ZNF514: variants seen among roughly 807,000 people sequenced by gnomAD.
ZNF514 encodes the protein zinc finger protein 514.
A neutral mutation model predicts 9.7 loss-of-function variants in ZNF514; 12 were observed. The ratio of observed to expected loss-of-function variants is 1.24; its 90% CI spans 0.79 to 2.01. The LOEUF (loss-of-function observed/expected upper bound fraction) is 2.01. ZNF514 is among the 30% of genes most tolerant of loss of function. ZNF514 has a pLI of 0.00. For missense variants in ZNF514, 467 were observed against 465.5 expected, an observed-to-expected ratio of 1.00 and a Z score of -0.03; for synonymous variants, 158 against 163.7, an observed-to-expected ratio of 0.97 and a Z score of 0.27.
chr2:95,141,368 A>G (rs1673214203), downstream of ZNF514, among the ~76,000 whole-genome samples: 3 of 152,110 alleles, frequency 2.0e-5, no homozygotes, highest in African/African-American at 7.2e-5. Flanking sequence ...AAACCCTTGC[A>G]CTCTCTAGGC....
intron 2 of ZNF514, chr2:95,153,970 A>T (rs986978181): frequency 6.6e-6 from 1 of 152,272 alleles, no homozygotes; most frequent in African/African-American, 2.4e-5. Context: ...GATTCCACAG[A>T]AAAGCTGAAG....
At chr2:95,128,065 CAGTG>C in the ZNF514 span, among the ~76,000 whole-genome samples, 1 of 152,204 alleles carries the variant, frequency 6.6e-6, no homozygotes, top group South Asian at 2.1e-4. Context: ...CTGGACAACA[CAGTG>C]AGACCCCACC....
At position 95,148,317 on chromosome 2, in the gene ZNF514, C is replaced by T. The variant is rs1673421485; in HGVS notation, c.*965G>A. On this transcript the variant is annotated 3_prime_UTR_variant, in exon 5 of 5. Transcript: ENST00000295208. ...ACCCATGCATGACACCCTGCCCCGT[C>T]AGTAACAGCATGAGGAGGCAATGCA... 6.6e-6 allele frequency: 1 copy of T among 152,262 alleles called. No individual in the cohort carries two copies. The highest frequency in any genetic ancestry group is 6.5e-5 in the Admixed American group (1 of 15,284). 9.4% of individuals were successfully genotyped at this position (152,262 alleles called of 1,614,324 possible).
At position 95,153,163 on chromosome 2, in the gene ZNF514, G is replaced by A. The variant is rs536299292; in HGVS notation, c.91C>T (p.Leu31=). The change falls in exon 3 of 5, where the codon CTG becomes TTG. Residue 31 remains leucine (L), a synonymous_variant. Transcript: ENST00000295208. ...AQKDLYREVM[L]ENFRNLAILG... ...ATGGCCAAGTTCCTGAAGTTCTCCAGCATCACCTCCCTGTAGAGGTCCTTC... is the reference window on the plus strand; with the variant it reads ...ATGGCCAAGTTCCTGAAGTTCTCCAACATCACCTCCCTGTAGAGGTCCTTC... 3.1e-6 allele frequency: 5 copies of A among 1,613,518 alleles called. No homozygotes were observed. Among genetic ancestry groups the A allele is most frequent in the Admixed American group, 3.3e-5 (2 of 60,004 alleles).
the ZNF514 span, among the ~76,000 whole-genome samples, chr2:95,126,398 A>AAGAG: frequency 4.7e-5 from 7 of 149,716 alleles, no homozygotes; most frequent in African/African-American, 1.5e-4. Flanking sequence ...AAAAAAAAGA[A>AAGAG]AGAAAGAAAG....
the ZNF514 span, among the ~76,000 whole-genome samples, chr2:95,136,495 C>G: frequency 6.6e-6 from 1 of 152,080 alleles, no homozygotes; most frequent in African/African-American, 2.4e-5. Context: ...GATCCACCCG[C>G]CTCTGCCTCC....
rs770256332 is a variant in ZNF514 at position 95,150,380 on chromosome 2, C to A, written c.218-113G>T. ...GAAATAATTAAGCTTTAAAATAACA[C>A]CTAAAAGGGACGTACAGATTTTTTC... is the stretch of plus-strand genomic sequence containing the variant. On this transcript the variant is annotated intron_variant, in intron 4 of 4. Transcript: ENST00000295208. 12 of 1,216,678 alleles carry A rather than the reference C, an allele frequency of 9.9e-6. No homozygotes were observed. In the South Asian group the frequency reaches 2.0e-4, roughly 21 times the overall value. The allele number at this position is 1,216,678 out of a possible 1,614,324, so 75.4% of individuals were successfully genotyped here.
intron 1 of ZNF514, 26 bp from the exon 2 acceptor site, chr2:95,157,465 G>A (rs1558704016): frequency 7.9e-7 from 1 of 1,268,352 alleles, no homozygotes; most frequent in East Asian, 5.6e-5. Context: ...GAGACATAAG[G>A]GAAGCTGACC....
At chr2:95,128,155 G>A in the ZNF514 span, among the ~76,000 whole-genome samples, 1 of 152,202 alleles carries the variant, frequency 6.6e-6, no homozygotes, top group Admixed American at 6.5e-5. Context: ...CACTTGGGGA[G>A]GCCGAGATGG....
the ZNF514 span, among the ~76,000 whole-genome samples, chr2:95,129,088 C>T: frequency 6.6e-6 from 1 of 152,178 alleles, no homozygotes; most frequent in Non-Finnish European, 1.5e-5. Context: ...CTGTTGGTGA[C>T]ATTTTTAGCC....
At chr2:95,125,115 G>A in the ZNF514 span, among the ~76,000 whole-genome samples, 2 of 151,660 alleles carry the variant, frequency 1.3e-5, no homozygotes, top group East Asian at 3.9e-4. Context: ...CTGACCTCAA[G>A]CGATCCGCCC....
At chr2:95,125,857 C>T in the ZNF514 span, among the ~76,000 whole-genome samples, 1 of 152,214 alleles carries the variant, frequency 6.6e-6, no homozygotes, top group Non-Finnish European at 1.5e-5. Context: ...ATCCATTCAT[C>T]TGTCAATGGA....
Position 95,158,918 on chromosome 2 carries a change from A to G in ZNF514, c.-96+322T>C, listed in dbSNP as rs748199507. 25 of 1,289,600 alleles carry G rather than the reference A, an allele frequency of 1.9e-5. No individual in the cohort carries two copies. In the South Asian group the frequency reaches 3.1e-4, roughly 16 times the overall value. The allele number at this position is 1,289,600 out of a possible 1,614,324, so 79.9% of individuals were successfully genotyped here. On this transcript the variant is annotated intron_variant, in intron 1 of 4. Coordinates refer to ENST00000295208, the MANE Select transcript of ZNF514 (RefSeq NM_032788.3). ...TCCTCCTGATATCGGGCTCGGTACT[A>G]GCTCCCCAAGAGGGCTCCTGGCCCT...
chr2:95,129,535 T>G, the ZNF514 span, among the ~76,000 whole-genome samples: 1 of 152,178 alleles, frequency 6.6e-6, no homozygotes, highest in East Asian at 1.9e-4. Context: ...TCCTACTATG[T>G]GTGGCTGAGA....
Position 95,148,098 on chromosome 2 carries a change from T to C in ZNF514, c.*1184A>G, listed in dbSNP as rs1194273803. 2.6e-5 allele frequency: 4 copies of C among 152,258 alleles called. No individual in the cohort carries two copies. Among genetic ancestry groups the C allele is most frequent in the African/African-American group, 4.8e-5 (2 of 41,466 alleles). 9.4% of individuals were successfully genotyped at this position (152,258 alleles called of 1,614,324 possible). On this transcript the variant is annotated 3_prime_UTR_variant, in exon 5 of 5. Transcript: ENST00000295208. ...CATGTGCTACAGAGAAAGAAGTGCA[T>C]AGAGGTGTTGTACTGCAAAGATCCA...
chr2:95,140,402 T>C (rs1246397837), downstream of ZNF514, among the ~76,000 whole-genome samples: 4 of 151,850 alleles, frequency 2.6e-5, no homozygotes, highest in Admixed American at 2.0e-4. Context: ...GACAGATCAC[T>C]TGAGGTCAGG....
At chr2:95,139,217 A>G in the ZNF514 span, among the ~76,000 whole-genome samples, 1 of 152,228 alleles carries the variant, frequency 6.6e-6, no homozygotes, top group South Asian at 2.1e-4. Context: ...CAACTAGGTC[A>G]GTGTCAAGGG....
chr2:95,139,774 A>G, the ZNF514 span, among the ~76,000 whole-genome samples: 1 of 152,158 alleles, frequency 6.6e-6, no homozygotes, highest in African/African-American at 2.4e-5. Flanking sequence ...GAGGGGGCCA[A>G]GGACAGAATG....
chr2:95,149,673 T>A lies in ZNF514; in HGVS notation c.812A>T (p.Gln271Leu), dbSNP rs1438468481. 2 of 1,614,120 alleles carry A rather than the reference T, an allele frequency of 1.2e-6. No homozygotes were observed. The highest frequency in any genetic ancestry group is 1.7e-5 in the Admixed American group (1 of 60,006). The part of the protein sequence containing the change: ...ECSECGRAFS[Q>L]SSSLVLHYRF... ...ATAGTGCAGAACAAGAGACGAACTC[T>A]GGCTGAAGGCTCTCCCACATTCACT... The change falls in exon 5 of 5, where the codon CAG becomes CTG. Residue 271 changes from glutamine (Q) to leucine (L), a missense_variant. Gln to Leu is a moderately radical substitution (Grantham distance 113). Coordinates refer to ENST00000295208, the MANE Select transcript of ZNF514 (RefSeq NM_032788.3).
Sources: gnomAD v4.1 joint callset for allele counts (sites outside exome capture counted in the v4.1 genomes callset) on GRCh38, gnomAD v4.1.1 for gene constraint, MANE v1.5 for transcripts, NCBI Gene and HGNC (gene_info 2026-07-23, HGNC 2026-07-21) for gene names.